ARRB1: variants seen among roughly 807,000 people sequenced by gnomAD.
ARRB1 encodes beta-arrestin-1.
In ARRB1, 21 loss-of-function variants were observed where a neutral mutation model predicts 56.8. The observed-to-expected ratio is 0.37, with a 90% CI of 0.26 to 0.53. ARRB1 has a LOEUF of 0.53. Among genes scored for constraint, ARRB1 ranks in the 20% least tolerant of loss-of-function variants. The pLI is 0.88. For synonymous variants in ARRB1, 210 were observed against 218.6 expected (o/e 0.96, Z 0.35); for missense variants, 424 against 553.7 (o/e 0.77, Z 2.35).
intron 1 of ARRB1, among the ~76,000 whole-genome samples, chr11:75,294,760 C>T (rs1406144374): frequency 6.6e-6 from 1 of 151,978 alleles, no homozygotes; most frequent in African/African-American, 2.4e-5. Context: ...TTTCTCTGGT[C>T]CTATGAAGTT....
intron 1 of ARRB1, among the ~76,000 whole-genome samples, chr11:75,304,516 G>A (rs950789908): frequency 6.6e-6 from 1 of 152,062 alleles, no homozygotes; most frequent in Non-Finnish European, 1.5e-5. Context: ...TAAGAGCCAA[G>A]TGTCACATTT....
intron 1 of ARRB1, chr11:75,312,059 C>A (rs1371995626): frequency 7.8e-7 from 1 of 1,289,470 alleles, no homozygotes; most frequent in Non-Finnish European, 1.0e-6. Flanking sequence ...AAGTGCTGAT[C>A]ACCTCAGCCT....
intron 1 of ARRB1, chr11:75,306,587 G>A (rs1242964116): frequency 7.8e-7 from 1 of 1,288,576 alleles, no homozygotes; most frequent in Non-Finnish European, 1.0e-6. Flanking sequence ...AGATTCAGTG[G>A]AGTGAAGAGG....
chr11:75,266,758 G>A (rs1945926755), intron 15 of ARRB1, among the ~76,000 whole-genome samples: 1 of 152,126 alleles, frequency 6.6e-6, no homozygotes, highest in East Asian at 1.9e-4. Context: ...ACAGCAAGGA[G>A]TAGTTTGGCT....
chr11:75,269,295 G>A (rs1946018789), intron 13 of ARRB1: 2 of 471,822 alleles, frequency 4.2e-6, no homozygotes, highest in Non-Finnish European at 8.1e-6. Flanking sequence ...GAGGTGCCCT[G>A]GGACCCCCCC....
At position 75,284,422 on chromosome 11, in the gene ARRB1, G is replaced by A. The variant is rs540492809; in HGVS notation, c.113-143C>T. On this transcript the variant is annotated intron_variant, in intron 3 of 15. Coordinates refer to ENST00000420843, the MANE Select transcript of ARRB1 (RefSeq NM_004041.5). ...AAAATGGAAAGGCGGGCACCTAGAG[G>A]GTGGCACTGCCCACCTCCACCACGC... 3,188 of 750,838 alleles carry A rather than the reference G, an allele frequency of 4.2e-3. 12 individuals are homozygous for A. Among genetic ancestry groups the A allele is most frequent in the Non-Finnish European group, 5.7e-3 (2,797 of 489,786 alleles). The allele number at this position is 750,838 out of a possible 1,614,324, so 46.5% of individuals were successfully genotyped here.
chr11:75,333,056 C>G (rs1270565583), intron 1 of ARRB1, among the ~76,000 whole-genome samples: 3 of 152,230 alleles, frequency 2.0e-5, no homozygotes, highest in Non-Finnish European at 4.4e-5. Flanking sequence ...CCCCGACCAC[C>G]TTGGGCACAT....
At chr11:75,283,561 G>T in intron 4 of ARRB1, 78 bp from the exon 5 acceptor site, 1 of 1,407,424 alleles carries the variant, frequency 7.1e-7, no homozygotes, top group Non-Finnish European at 9.5e-7. Flanking sequence ...CAGCAGCCCT[G>T]GGACGGGCCC....
chr11:75,267,678 A>G lies in ARRB1; in HGVS notation c.1119T>C (p.Asp373=), dbSNP rs1160127123. 2.1e-6 allele frequency: 3 copies of G among 1,405,004 alleles called. No individual in the cohort carries two copies. The highest frequency in any genetic ancestry group is 2.9e-6 in the Non-Finnish European group (3 of 1,048,682). 87.0% of individuals were successfully genotyped at this position (1,405,004 alleles called of 1,614,324 possible). A position where few individuals can be genotyped will look rare whatever the true frequency, so the allele number is the denominator to read the frequency against. ...REVPENETPV[D]TNLIELDTND... ...TTGTGTCAAGTTCTATGAGATTGGT[A>G]TCTACTGGCGTCTCGTTCTCTGGAA... Residue 373 remains aspartate, a synonymous_variant, in exon 15 of 16, where the codon GAT becomes GAC. Transcript: ENST00000420843.
intron 13 of ARRB1, chr11:75,269,275 C>T (rs1216097114): frequency 5.6e-6 from 3 of 540,196 alleles, no homozygotes; most frequent in South Asian, 3.1e-5. Flanking sequence ...GTGGTCACTG[C>T]GGGGCTCCAG....
At chr11:75,271,788 A>C in intron 12 of ARRB1, 64 bp from the exon 13 acceptor site, 1 of 1,511,932 alleles carries the variant, frequency 6.6e-7, no homozygotes. Context: ...AGAAAACAAA[A>C]AGCACATTCA....
At chr11:75,299,362 A>C (rs1242058906) in intron 1 of ARRB1, among the ~76,000 whole-genome samples, 2 of 152,008 alleles carry the variant, frequency 1.3e-5, no homozygotes, top group Non-Finnish European at 2.9e-5. Context: ...TTTTTCTGTT[A>C]TACAATGAGC....
chr11:75,289,290 C>G (rs1057463310), intron 2 of ARRB1, among the ~76,000 whole-genome samples: 1 of 152,178 alleles, frequency 6.6e-6, no homozygotes, highest in South Asian at 2.1e-4. Context: ...GCTTTTATGT[C>G]CTGCCTACAA....
At chr11:75,282,575 G>A (rs931712999) in intron 5 of ARRB1, among the ~76,000 whole-genome samples, 2 of 152,202 alleles carry the variant, frequency 1.3e-5, no homozygotes, top group East Asian at 1.9e-4. Flanking sequence ...GACGCTCCCC[G>A]AGGGCCTCCA....
Position 75,277,377 on chromosome 11 carries a change from C to T in ARRB1, c.690G>A (p.Lys230=). 6.2e-7 allele frequency: 1 copy of T among 1,614,168 alleles called. No homozygotes were observed. Among genetic ancestry groups the T allele is most frequent in the Non-Finnish European group, 8.5e-7 (1 of 1,179,978 alleles). The change falls in exon 9 of 16, where the codon AAG becomes AAA. Residue 230 remains lysine (K), a synonymous_variant. Transcript: ENST00000420843. ...VTNNTNKTVK[K]IKISVRQYAD... The stretch of plus-strand genomic sequence containing the variant: ...TGTCTGGGATACCTGAGATCTTGAT[C>T]TTCTTCACCGTCTTGTTGGTGTTGT...
At position 75,342,992 on chromosome 11, in the gene ARRB1, A is replaced by G. The variant is rs56056585; in HGVS notation, c.20+8596T>C. On this transcript the variant is annotated intron_variant, in intron 1 of 15. Transcript: ENST00000420843. ...ATTTTGAAATCAGCAATGATGTCCTATGGTCCTCACCAACCACACTGCCCA... is the reference window on the plus strand; with the variant it reads ...ATTTTGAAATCAGCAATGATGTCCTGTGGTCCTCACCAACCACACTGCCCA... 5.4e-3 allele frequency among the ~76,000 whole-genome samples: 827 copies of G among 152,174 alleles called. 3 individuals carry two copies. Among genetic ancestry groups the G allele is most frequent in the African/African-American group, 0.019 (781 of 41,520 alleles).
At chr11:75,281,225 A>T in intron 6 of ARRB1, 83 bp from the exon 7 acceptor site, 3 of 1,313,754 alleles carry the variant, frequency 2.3e-6, no homozygotes, top group Non-Finnish European at 3.2e-6. Flanking sequence ...CATTTTACAA[A>T]CGAGGACACT....
chr11:75,275,148 T>TTTTATTTTATTTTA (rs2140410613), intron 10 of ARRB1, among the ~76,000 whole-genome samples: 1 of 150,282 alleles, frequency 6.7e-6, no homozygotes, highest in East Asian at 1.9e-4. Flanking sequence ...TTTTATTTTA[T>TTTTATTTTATTTTA]TTTATTTTAT....
rs182978023 is a variant in ARRB1 at position 75,316,683 on chromosome 11, C to T, written c.21-26644G>A. On this transcript the variant is annotated intron_variant, in intron 1 of 15. Transcript: ENST00000420843. ...TGTAATCCCAGCAACTCAGAAGACA[C>T]AGGCAGGAGAATCATTTAAGGACAG... 2.8e-3 allele frequency among the ~76,000 whole-genome samples: 422 copies of T among 152,082 alleles called. 4 individuals are homozygous for T. The highest frequency in any genetic ancestry group is 4.4e-3 in the Non-Finnish European group (300 of 68,018).
Sources: gnomAD v4.1 joint callset for allele counts (sites outside exome capture counted in the v4.1 genomes callset) on GRCh38, gnomAD v4.1.1 for gene constraint, MANE v1.5 for transcripts, NCBI Gene and HGNC (gene_info 2026-07-23, HGNC 2026-07-21) for gene names.